GPD2: variants seen among roughly 807,000 people sequenced by gnomAD.
GPD2 encodes glycerol-3-phosphate dehydrogenase, mitochondrial.
Under a neutral mutation model 82.4 loss-of-function variants are expected in GPD2, and 54 were observed. The ratio of observed to expected loss-of-function variants is 0.66; its 90% CI spans 0.53 to 0.82. The LOEUF is 0.82. Ranked by LOEUF, GPD2 falls within the 40% of genes least tolerant of loss-of-function variation. The pLI is 0.00. For missense variants in GPD2, 748 were observed against 896.2 expected (o/e 0.83, Z 2.11); for synonymous variants, 288 against 306.1 (o/e 0.94, Z 0.62).
At chr2:156,497,482 A>G (rs1684427772) in intron 3 of GPD2, among the ~76,000 whole-genome samples, 1 of 152,232 alleles carries the variant, frequency 6.6e-6, no homozygotes. Context: ...GTTGCTATAT[A>G]AAGTTCAATA....
the GPD2 span, among the ~76,000 whole-genome samples, chr2:156,401,239 A>G: frequency 5.9e-5 from 9 of 152,206 alleles, no homozygotes; most frequent in African/African-American, 1.9e-4. Context: ...GTGCTTTTCT[A>G]TTGCTTACTA....
At position 156,570,139 on chromosome 2, in the gene GPD2, A is replaced by G. The variant is rs1421285123; in HGVS notation, c.1529A>G (p.Lys510Arg). ...GGTGATAAGGCCTTTGAGGTGGCCA[A>G]AATGGCAAGTGTGACTGGCAAAAGG... ...TYGDKAFEVA[K>R]MASVTGKRWP... Residue 510 changes from lysine to arginine, a missense_variant, in exon 12 of 17, where the codon AAA becomes AGA. This residue lies in a region of GPD2 where 692 missense variants were observed against 809.7 expected (regional missense o/e 0.85). Transcript: ENST00000438166. The G allele has an allele frequency of 2.5e-6, 4 of 1,612,490 alleles. No individual in the cohort carries two copies. Among genetic ancestry groups the G allele is most frequent in the Admixed American group, 1.7e-5 (1 of 59,984 alleles).
intron 3 of GPD2, among the ~76,000 whole-genome samples, chr2:156,507,381 G>A (rs1254462371): frequency 6.6e-6 from 1 of 150,860 alleles, no homozygotes; most frequent in African/African-American, 2.4e-5. Flanking sequence ...AAGTGCAGCA[G>A]TGCAATCTTG....
chr2:156,541,926 TG>T (rs1305289469), intron 6 of GPD2, among the ~76,000 whole-genome samples: 3 of 151,108 alleles, frequency 2.0e-5, no homozygotes, highest in African/African-American at 7.3e-5. Flanking sequence ...GGAACATTTT[TG>T]TACAGAAATA....
At chr2:156,459,706 A>AAAAAAAAAAAAAAAAAAG (rs1553465808) in intron 1 of GPD2, among the ~76,000 whole-genome samples, 2 of 148,854 alleles carry the variant, frequency 1.3e-5, no homozygotes, top group Non-Finnish European at 3.0e-5. Flanking sequence ...AAAAAAAAAA[A>AAAAAAAAAAAAAAAAAAG]AAAGAAAGAA....
chr2:156,505,711 C>A (rs528270215), intron 3 of GPD2, among the ~76,000 whole-genome samples: 1 of 152,294 alleles, frequency 6.6e-6, no homozygotes, highest in Admixed American at 6.5e-5. Context: ...TTTCTTGAAT[C>A]CTGGGTGCAT....
intron 6 of GPD2, among the ~76,000 whole-genome samples, chr2:156,536,879 A>T (rs2105315573): frequency 6.6e-6 from 1 of 152,268 alleles, no homozygotes; most frequent in African/African-American, 2.4e-5. Flanking sequence ...AATGCATGAC[A>T]GTATCTTCAG....
intron 1 of GPD2, among the ~76,000 whole-genome samples, chr2:156,459,389 T>C (rs1682903108): frequency 6.6e-6 from 1 of 151,856 alleles, no homozygotes; most frequent in South Asian, 2.1e-4. Flanking sequence ...AGCAGTACCA[T>C]GAAAAAGGGA....
chr2:156,521,559 A>G (rs1558940504), intron 6 of GPD2, among the ~76,000 whole-genome samples: 1 of 152,206 alleles, frequency 6.6e-6, no homozygotes, highest in Non-Finnish European at 1.5e-5. Context: ...CCAAATTTCT[A>G]CTTTTTGTGA....
chr2:156,492,181 A>T, intron 2 of GPD2, among the ~76,000 whole-genome samples: 1 of 122,280 alleles, frequency 8.2e-6, no homozygotes. Flanking sequence ...TTGAGACAGA[A>T]TATCCTCTGT....
chr2:156,477,812 G>T (rs888873445), intron 2 of GPD2, among the ~76,000 whole-genome samples: 2 of 152,078 alleles, frequency 1.3e-5, no homozygotes, highest in Non-Finnish European at 2.9e-5. Flanking sequence ...AGATTGCCTT[G>T]GTTCCTTAAA....
Position 156,568,925 on chromosome 2 carries a change from T to C in GPD2, c.1266T>C (p.Val422=). The change falls in exon 10 of 17, where the codon GTT becomes GTC. Residue 422 remains valine (V), a synonymous_variant. Coordinates refer to ENST00000438166, the MANE Select transcript of GPD2 (RefSeq NM_000408.5). ...DTQSISRNHV[V]DISESGLITI... is the part of the protein sequence containing the mutation. Reference sequence around the variant, plus strand: ...AGTCTATCTCCCGAAATCATGTTGTTGATATCAGTGAGAGTGGCCTTATTA... The same window carrying C: ...AGTCTATCTCCCGAAATCATGTTGTCGATATCAGTGAGAGTGGCCTTATTA... The C allele has an allele frequency of 6.2e-7, 1 of 1,611,690 alleles. No individual in the cohort carries two copies. Among genetic ancestry groups the C allele is most frequent in the East Asian group, 2.2e-5 (1 of 44,858 alleles).
intron 3 of GPD2, among the ~76,000 whole-genome samples, chr2:156,504,296 G>A (rs1684704950): frequency 6.6e-6 from 1 of 152,072 alleles, no homozygotes; most frequent in South Asian, 2.1e-4. Context: ...AAAATGTTCA[G>A]CCTTCGGGTT....
chr2:156,453,469 G>A (rs1682685970), intron 1 of GPD2, among the ~76,000 whole-genome samples: 1 of 152,132 alleles, frequency 6.6e-6, no homozygotes, highest in African/African-American at 2.4e-5. Flanking sequence ...GCTTGAGGCT[G>A]GAGTCTGCGG....
At chr2:156,427,014 G>T in the GPD2 span, among the ~76,000 whole-genome samples, 2 of 152,306 alleles carry the variant, frequency 1.3e-5, no homozygotes, top group African/African-American at 4.8e-5. Context: ...GGAGAAATTG[G>T]ATTGTGATGC....
chr2:156,504,647 A>G (rs1385974237), intron 3 of GPD2, among the ~76,000 whole-genome samples: 5 of 152,166 alleles, frequency 3.3e-5, no homozygotes, highest in Non-Finnish European at 7.4e-5. Flanking sequence ...ATCTTGCAGC[A>G]CTATCTGTAA....
intron 1 of GPD2, among the ~76,000 whole-genome samples, chr2:156,463,345 T>C (rs1327090075): frequency 1.3e-5 from 2 of 152,184 alleles, no homozygotes. Flanking sequence ...TTTTTTTGTG[T>C]GTGTTCTTTG....
chr2:156,421,568 A>G, the GPD2 span, among the ~76,000 whole-genome samples: 5 of 150,608 alleles, frequency 3.3e-5, no homozygotes, highest in African/African-American at 1.2e-4. Context: ...GAGTTGAATG[A>G]AAAAAAAAAT....
intron 6 of GPD2, among the ~76,000 whole-genome samples, chr2:156,517,250 A>T (rs1558938489): frequency 6.6e-6 from 1 of 152,172 alleles, no homozygotes; most frequent in Non-Finnish European, 1.5e-5. Flanking sequence ...GAGCCACTTC[A>T]TCTGGCCCTT....
Sources: allele counts gnomAD v4.1 joint callset (sites outside exome capture counted in the v4.1 genomes callset), GRCh38; gene constraint gnomAD v4.1.1; regional missense constraint gnomAD v4.1.1; transcripts MANE v1.5; gene names NCBI Gene and HGNC (gene_info 2026-07-23, HGNC 2026-07-21).